Variants in TMEM217B observed in about 807,000 individuals in gnomAD.
TMEM217B encodes the protein transmembrane protein 217B.
chr6:37,243,014 A>C, the TMEM217B span, among the ~76,000 whole-genome samples: 2 of 152,198 alleles, frequency 1.3e-5, no homozygotes, highest in Non-Finnish European at 2.9e-5. Context: ...TGGGAAAGCA[A>C]GTTTCTGGCA....
the TMEM217B span, chr6:37,212,922 A>C: frequency 6.5e-7 from 1 of 1,549,742 alleles, no homozygotes; most frequent in East Asian, 2.4e-5. Context: ...GGGTGGTATT[A>C]AGGACAGAGA....
At chr6:37,239,482 AAAT>A in the TMEM217B span, among the ~76,000 whole-genome samples, 4 of 1,762 alleles carry the variant, frequency 2.3e-3, no homozygotes, top group African/African-American at 8.3e-3. Context: ...CTTAAAAAAT[AAAT>A]AAATAAATAA....
At chr6:37,233,950 A>G in the TMEM217B span, among the ~76,000 whole-genome samples, 100,486 of 152,064 alleles carry the variant, frequency 0.66, 33,355 homozygotes, top group East Asian at 0.85. Context: ...GCAATAAATT[A>G]CATGAGATAT....
the TMEM217B span, among the ~76,000 whole-genome samples, chr6:37,234,085 T>C: frequency 6.8e-6 from 1 of 147,658 alleles, no homozygotes; most frequent in Non-Finnish European, 1.5e-5. Flanking sequence ...GTTTGGTAGG[T>C]TAGGTGTATT....
At chr6:37,234,102 C>CT in the TMEM217B span, among the ~76,000 whole-genome samples, 52 of 127,756 alleles carry the variant, frequency 4.1e-4, no homozygotes, top group South Asian at 7.9e-4. Flanking sequence ...TATTAAATGC[C>CT]TTTTTTTTTT....
At chr6:37,241,099 CTTTTT>C in the TMEM217B span, among the ~76,000 whole-genome samples, 2 of 132,924 alleles carry the variant, frequency 1.5e-5, no homozygotes, top group African/African-American at 2.8e-5. Flanking sequence ...AAGTATTACT[CTTTTT>C]TTTTTTTTTT....
the TMEM217B span, chr6:37,219,018 G>A: frequency 6.2e-7 from 1 of 1,613,346 alleles, no homozygotes; most frequent in Admixed American, 1.7e-5. Flanking sequence ...CCACACCACT[G>A]CTGCTGTTTC....
chr6:37,215,415 A>T, the TMEM217B span: 1 of 1,146,426 alleles, frequency 8.7e-7, no homozygotes. Context: ...TCTCTACTAA[A>T]GATACAAAAA....
At chr6:37,231,440 C>T in the TMEM217B span, among the ~76,000 whole-genome samples, 9 of 149,804 alleles carry the variant, frequency 6.0e-5, no homozygotes, top group Non-Finnish European at 8.9e-5. Context: ...TTTGGGAGGC[C>T]GAGGCAGGCG....
At chr6:37,214,329 G>A in the TMEM217B span, among the ~76,000 whole-genome samples, 1 of 152,148 alleles carries the variant, frequency 6.6e-6, no homozygotes, top group East Asian at 1.9e-4. Context: ...CCAGGATGAA[G>A]CGATTCTCAT....
At chr6:37,252,630 TATATATA>T in the TMEM217B span, among the ~76,000 whole-genome samples, 179 of 72,976 alleles carry the variant, frequency 2.5e-3, no homozygotes, top group Non-Finnish European at 3.3e-3. Flanking sequence ...TATATATATA[TATATATA>T]TTTTTTTTTT....
the TMEM217B span, among the ~76,000 whole-genome samples, chr6:37,255,374 G>A: frequency 6.6e-6 from 1 of 151,996 alleles, no homozygotes; most frequent in Non-Finnish European, 1.5e-5. Context: ...ACATGATATC[G>A]TCTACATTTT....
At chr6:37,252,498 G>A in the TMEM217B span, among the ~76,000 whole-genome samples, 3 of 149,830 alleles carry the variant, frequency 2.0e-5, no homozygotes, top group African/African-American at 5.0e-5. Context: ...ATACATGTAT[G>A]CATATATATA....
the TMEM217B span, among the ~76,000 whole-genome samples, chr6:37,235,467 G>A: frequency 9.9e-5 from 15 of 152,166 alleles, no homozygotes; most frequent in East Asian, 5.8e-4. Flanking sequence ...CCAGGTTCAC[G>A]CCATTCTCCT....
At chr6:37,247,390 T>C in the TMEM217B span, among the ~76,000 whole-genome samples, 1 of 1,560 alleles carries the variant, frequency 6.4e-4, no homozygotes, top group Non-Finnish European at 9.4e-4. Context: ...ACTTTTTTAC[T>C]TTTTTTTTTT....
chr6:37,253,187 T>C, the TMEM217B span, among the ~76,000 whole-genome samples: 2 of 152,238 alleles, frequency 1.3e-5, no homozygotes, highest in Non-Finnish European at 2.9e-5. Flanking sequence ...CCCTCTTTAA[T>C]GGTATAACAT....
chr6:37,254,966 G>A, the TMEM217B span, among the ~76,000 whole-genome samples: 1 of 152,304 alleles, frequency 6.6e-6, no homozygotes, highest in South Asian at 2.1e-4. Context: ...TGTATGAGCA[G>A]TTCACAATAG....
the TMEM217B span, among the ~76,000 whole-genome samples, chr6:37,256,923 T>A: frequency 2.8e-4 from 42 of 152,208 alleles, no homozygotes; most frequent in African/African-American, 9.6e-4. Flanking sequence ...ATGCTAATAC[T>A]AAATCTCATT....
the TMEM217B span, among the ~76,000 whole-genome samples, chr6:37,253,925 A>G: frequency 6.6e-6 from 1 of 152,222 alleles, no homozygotes; most frequent in African/African-American, 2.4e-5. Context: ...CAACCCAGGC[A>G]TATCTCATCC....
Sources: allele counts gnomAD v4.1 joint callset (sites outside exome capture counted in the v4.1 genomes callset), GRCh38; gene constraint gnomAD v4.1.1; transcripts MANE v1.5; gene names NCBI Gene and HGNC (gene_info 2026-07-23, HGNC 2026-07-21).